The following ZNF559 variants were observed in gnomAD, a reference collection of about 807,000 sequenced individuals.
ZNF559 encodes zinc finger protein 559, also known as putative protein product of Nbla00121.
In ZNF559, 17 loss-of-function variants were observed where a neutral mutation model predicts 14.2. That is an observed-to-expected ratio of 1.20 (90% CI 0.82 to 1.80). The LOEUF (loss-of-function observed/expected upper bound fraction) is 1.80, where lower values mean the gene tolerates loss of function less well. ZNF559 is among the 40% of genes most tolerant of loss of function. ZNF559 has a pLI of 0.00. For synonymous variants in ZNF559, 244 were observed against 212.4 expected (o/e 1.15, Z -1.29); for missense variants, 740 against 629.7 (o/e 1.18, Z -1.88).
Position 9,343,217 on chromosome 19 carries a change from AGAG to A in ZNF559, c.*150_*152del, listed in dbSNP as rs947522586. The A allele has an allele frequency of 6.9e-7, 1 of 1,459,818 alleles. No individual in the cohort carries two copies. Among genetic ancestry groups the A allele is most frequent in the African/African-American group, 1.4e-5 (1 of 70,094 alleles). 90.4% of individuals were successfully genotyped at this position (1,459,818 alleles called of 1,614,324 possible). ...CTCAGATCTTAACAATTCCAATAGA[AGAG>A]AAGACATATGAATGTAAGGAATGTG... On this transcript the variant is annotated 3_prime_UTR_variant, in exon 7 of 7. Transcript: ENST00000603380.
chr19:9,343,443 A>G lies in ZNF559; in HGVS notation c.*375A>G. On this transcript the variant is annotated 3_prime_UTR_variant, in exon 7 of 7. Transcript: ENST00000603380. ...CTCGGGCCTTACTGAGCTTGTGAGC[A>G]CATTGGATATAAATGCACGTCCTCT... is the stretch of plus-strand genomic sequence containing the variant. 2 of 1,055,872 alleles carry G rather than the reference A, an allele frequency of 1.9e-6. No individual in the cohort carries two copies. The highest frequency in any genetic ancestry group is 1.7e-5 in the African/African-American group (1 of 60,186). 65.4% of individuals were successfully genotyped at this position (1,055,872 alleles called of 1,614,324 possible). A position where few individuals can be genotyped will look rare whatever the true frequency, so the allele number is the denominator to read the frequency against.
rs780614693 is a variant in ZNF559, at chr19:9,342,822, A to G, written c.1371A>G (p.Arg457=). ...CCTCGCACCTTAGTCAACATAAAAG[A>G]ATACATACAGGGGAGAGGCCATATA... ...RYSSHLSQHK[R]IHTGERPYKC... The change falls in exon 7 of 7, where the codon AGA becomes AGG. Residue 457 remains arginine (R), a synonymous_variant. Coordinates refer to ENST00000603380, the MANE Select transcript of ZNF559 (RefSeq NM_032497.3). 35 of 1,614,008 alleles carry G rather than the reference A, an allele frequency of 2.2e-5. No homozygotes were observed. The highest frequency in any genetic ancestry group is 2.9e-5 in the Non-Finnish European group (34 of 1,180,022).
rs2067406013 is a variant in ZNF559 at position 9,339,213 on chromosome 19, T to A, written c.54T>A (p.Asp18Glu). 6.2e-7 allele frequency: 1 copy of A among 1,613,970 alleles called. No individual in the cohort carries two copies. The highest frequency in any genetic ancestry group is 1.7e-5 in the Admixed American group (1 of 60,006). The change falls in exon 5 of 7, where the codon GAT (aspartate) becomes GAA (glutamate). Residue 18 changes from aspartate to glutamate, a missense_variant. Coordinates refer to ENST00000603380, the MANE Select transcript of ZNF559 (RefSeq NM_032497.3). ...NYSQDSVTFEDVAVDFTQEEW... is the reference protein window; with the variant it reads ...NYSQDSVTFEEVAVDFTQEEW... ...TTTAGGACTCAGTGACCTTTGAGGA[T>A]GTGGCTGTGGACTTCACCCAGGAGG...
chr19:9,340,231 A>AT (rs1377729394), intron 5 of ZNF559, among the ~76,000 whole-genome samples: 5 of 152,082 alleles, frequency 3.3e-5, no homozygotes, highest in African/African-American at 1.2e-4. Flanking sequence ...AGATGTGATT[A>AT]TTTGTGAGAA....
intron 5 of ZNF559, among the ~76,000 whole-genome samples, chr19:9,340,282 T>C (rs1352063603): frequency 6.6e-6 from 1 of 152,064 alleles, no homozygotes; most frequent in East Asian, 1.9e-4. Flanking sequence ...TTTATAAATA[T>C]TAAGTAGGAA....
In ZNF559 at chr19:9,325,817, A is replaced by G. The variant is rs1035193084; in HGVS notation, c.-120+1037A>G. On this transcript the variant is annotated intron_variant, in intron 2 of 6. Coordinates refer to ENST00000603380, the MANE Select transcript of ZNF559 (RefSeq NM_032497.3). The stretch of plus-strand genomic sequence containing the variant: ...AAAAAAAAAAAGTCTTTAACCCTTA[A>G]CTACATTCACTAGTTGTTAAGATTT... Among the ~76,000 whole-genome samples the G allele has an allele frequency of 3.9e-5, 6 of 151,922 alleles. No individual in the cohort carries two copies. The East Asian group carries it at 1.2e-3, about 29-fold the overall frequency.
At chr19:9,340,528 T>C (rs2067501870) in intron 5 of ZNF559, among the ~76,000 whole-genome samples, 1 of 146,058 alleles carries the variant, frequency 6.8e-6, no homozygotes. Flanking sequence ...AAAGTCTCAA[T>C]GTTTAGAGAA....
rs1568368528 is a variant in ZNF559 at position 9,342,198 on chromosome 19, C to G, written c.747C>G (p.Pro249=). 6.2e-7 allele frequency: 1 copy of G among 1,603,788 alleles called. No homozygotes were observed. Among genetic ancestry groups the G allele is most frequent in the Non-Finnish European group, 8.5e-7 (1 of 1,176,668 alleles). Residue 249 remains proline, a synonymous_variant, in exon 7 of 7, where the codon CCC becomes CCG. Transcript: ENST00000603380. The part of the protein sequence containing the change: ...KFYECKACGK[P]FTESSYLTQH... ...ATGAATGTAAAGCATGTGGGAAACC[C>G]TTCACTGAGTCGTCATATCTTACTC... is the stretch of plus-strand genomic sequence containing the variant.
chr19:9,324,268 G>C (rs961860998), intron 1 of ZNF559, 40 bp downstream of exon 1: 2 of 1,535,960 alleles, frequency 1.3e-6, no homozygotes, highest in Admixed American at 2.0e-5. Flanking sequence ...TGGTGTCCCG[G>C]TGCAGCCACG....
chr19:9,342,303 T>C lies in ZNF559; in HGVS notation c.852T>C (p.Leu284=). 1 of 1,592,468 alleles carries C rather than the reference T, an allele frequency of 6.3e-7. No individual in the cohort carries two copies. Among genetic ancestry groups the C allele is most frequent in the South Asian group, 1.1e-5 (1 of 86,984 alleles). Residue 284 remains leucine (L), a synonymous_variant, in exon 7 of 7, where the codon CTT becomes CTC. Coordinates refer to ENST00000603380, the MANE Select transcript of ZNF559 (RefSeq NM_032497.3). The part of the protein sequence containing the change: ...FGKAFAFSPD[L]AKHIRLRTRG... The stretch of plus-strand genomic sequence containing the variant: ...AAGCCTTTGCTTTTTCCCCAGATCT[T>C]GCTAAACATATAAGACTTAGAACTA...
In ZNF559 at chr19:9,341,676, CATTA is replaced by C; in HGVS notation, c.244-15_244-12del. 1 of 1,599,252 alleles carries C rather than the reference CATTA, an allele frequency of 6.3e-7. No homozygotes were observed. Among genetic ancestry groups the C allele is most frequent in the Non-Finnish European group, 8.5e-7 (1 of 1,175,952 alleles). ...AATTTGGAAAACTTCTATGAACCAT[CATTA>C]ATTTTCACCAACAGGAGAGAAACCA... On this transcript the variant is annotated splice_polypyrimidine_tract_variant and intron_variant, in intron 6 of 6. Coordinates refer to ENST00000603380, the MANE Select transcript of ZNF559 (RefSeq NM_032497.3).
intron 2 of ZNF559, among the ~76,000 whole-genome samples, chr19:9,331,191 C>CT (rs1200114631): frequency 6.6e-6 from 1 of 152,190 alleles, no homozygotes; most frequent in East Asian, 1.9e-4. Flanking sequence ...GGAGAACCCT[C>CT]TGAGAGGTCA....
intron 2 of ZNF559, among the ~76,000 whole-genome samples, chr19:9,326,672 G>A (rs2066624200): frequency 1.3e-5 from 2 of 152,078 alleles, no homozygotes; most frequent in Admixed American, 1.3e-4. Flanking sequence ...TAAAAATGCA[G>A]CATATCCAGT....
chr19:9,329,432 A>G (rs2066819117), intron 2 of ZNF559, among the ~76,000 whole-genome samples: 1 of 152,172 alleles, frequency 6.6e-6, no homozygotes, highest in Non-Finnish European at 1.5e-5. Flanking sequence ...ATATTGGTGT[A>G]TATGTACTTA....
intron 2 of ZNF559, among the ~76,000 whole-genome samples, chr19:9,325,954 TAAAAC>T (rs1367373873): frequency 6.6e-6 from 1 of 152,128 alleles, no homozygotes; most frequent in African/African-American, 2.4e-5. Flanking sequence ...AAGACAAGCT[TAAAAC>T]AAGACTTCAT....
At chr19:9,334,708 G>A (rs1483782517) in intron 2 of ZNF559, among the ~76,000 whole-genome samples, 7 of 152,110 alleles carry the variant, frequency 4.6e-5, no homozygotes, top group Non-Finnish European at 7.3e-5. Flanking sequence ...AAATTCAGAT[G>A]TCATTTCCAG....
In ZNF559 at chr19:9,341,231, AT is replaced by A. The variant is rs781565791; in HGVS notation, c.243+49del. The A allele has an allele frequency of 2.6e-5, 40 of 1,557,874 alleles. No individual in the cohort carries two copies. The South Asian group carries it at 3.1e-4, about 12-fold the overall frequency. ...TTATTGTCTTCCATGTTAGAGGAAG[AT>A]TGGAAATTCCTTAAAATGGAAAAGC... On this transcript the variant is annotated intron_variant, in intron 6 of 6. Transcript: ENST00000603380.
chr19:9,332,353 G>GTGTA (rs1555728474), intron 2 of ZNF559, among the ~76,000 whole-genome samples: 3 of 97,438 alleles, frequency 3.1e-5, no homozygotes, highest in African/African-American at 1.1e-4. Context: ...GTATGTGTGT[G>GTGTA]TGTATATATA....
At position 9,342,893 on chromosome 19, in the gene ZNF559, C is replaced by T. The variant is rs1014754383; in HGVS notation, c.1442C>T (p.Thr481Ile). 9.3e-6 allele frequency: 15 copies of T among 1,613,642 alleles called. No homozygotes were observed. The African/African-American group carries it at 1.9e-4, about 20-fold the overall frequency. ...GQAFSISSGL[T>I]VHMRTHTGER... is the part of the protein sequence containing the mutation. Reference sequence around the variant, plus strand: ...GCCTTCAGTATCTCATCAGGCCTTACAGTACACATGAGAACTCACACTGGT... The same window carrying T: ...GCCTTCAGTATCTCATCAGGCCTTATAGTACACATGAGAACTCACACTGGT... Residue 481 changes from threonine to isoleucine, a missense_variant, in exon 7 of 7, where the codon ACA becomes ATA. Thr to Ile is a moderately conservative substitution (Grantham distance 89). Coordinates refer to ENST00000603380, the MANE Select transcript of ZNF559 (RefSeq NM_032497.3).
Sources: allele counts gnomAD v4.1 joint callset (sites outside exome capture counted in the v4.1 genomes callset), GRCh38; gene constraint gnomAD v4.1.1; transcripts MANE v1.5; gene names NCBI Gene and HGNC (gene_info 2026-07-23, HGNC 2026-07-21).